KCNIP4: variants seen among roughly 807,000 people sequenced by gnomAD.
KCNIP4 encodes the protein Kv channel-interacting protein 4.
In KCNIP4, 12 loss-of-function variants were observed where a neutral mutation model predicts 34.0. The observed-to-expected ratio is 0.35, with a 90% confidence interval of 0.23 to 0.57. The LOEUF is 0.57. KCNIP4 is among the 20% of genes least tolerant of loss of function. The pLI is 0.83. For synonymous variants in KCNIP4, 124 were observed against 102.2 expected (o/e 1.21, Z -1.29); for missense variants, 238 against 311.7 (o/e 0.76, Z 1.78).
intron 1 of KCNIP4, among the ~76,000 whole-genome samples, chr4:21,322,331 G>C (rs1056249810): frequency 6.6e-6 from 1 of 152,122 alleles, no homozygotes; most frequent in African/African-American, 2.4e-5. Flanking sequence ...CCTCAGGGGA[G>C]GAGGCCACAA....
intron 3 of KCNIP4, among the ~76,000 whole-genome samples, chr4:20,826,790 C>T (rs565356615): frequency 1.5e-4 from 23 of 152,172 alleles, no homozygotes; most frequent in South Asian, 4.2e-4. Context: ...TCAGCAGAGA[C>T]GCAGAAATTT....
At chr4:21,242,212 C>G (rs930284076) in intron 1 of KCNIP4, among the ~76,000 whole-genome samples, 2 of 147,830 alleles carry the variant, frequency 1.4e-5, no homozygotes, top group Non-Finnish European at 3.0e-5. Flanking sequence ...TTCCTTAACT[C>G]TCAGGGTTGT....
intron 1 of KCNIP4, among the ~76,000 whole-genome samples, chr4:21,090,249 C>T (rs971160817): frequency 7.2e-5 from 11 of 152,166 alleles, no homozygotes. Context: ...ACTTTGAGCT[C>T]CATAAGGGTA....
intron 1 of KCNIP4, among the ~76,000 whole-genome samples, chr4:21,376,135 A>G (rs1285781757): frequency 6.6e-6 from 1 of 151,712 alleles, no homozygotes; most frequent in Non-Finnish European, 1.5e-5. Flanking sequence ...CTAAATTATT[A>G]TTATACAACT....
chr4:21,120,550 TGAA>T (rs2061574605), intron 1 of KCNIP4, among the ~76,000 whole-genome samples: 1 of 152,124 alleles, frequency 6.6e-6, no homozygotes, highest in South Asian at 2.1e-4. Context: ...TGGTGGAAGG[TGAA>T]GGAGAAACAA....
intron 1 of KCNIP4, among the ~76,000 whole-genome samples, chr4:21,258,559 A>G (rs1216232879): frequency 1.3e-5 from 2 of 152,170 alleles, no homozygotes; most frequent in Non-Finnish European, 2.9e-5. Flanking sequence ...CTTTAAGACA[A>G]TAATTGATAT....
intron 1 of KCNIP4, among the ~76,000 whole-genome samples, chr4:21,891,252 G>A (rs1292820240): frequency 6.6e-6 from 1 of 152,066 alleles, no homozygotes; most frequent in Non-Finnish European, 1.5e-5. Context: ...TAAATTAAGT[G>A]ACTGCTGTCA....
At position 20,771,437 on chromosome 4, in the gene KCNIP4, T is replaced by C. The variant is rs1578579253; in HGVS notation, c.289-12547A>G. Among the ~76,000 whole-genome samples the C allele has an allele frequency of 2.6e-5, 4 of 152,298 alleles. 1 individual carries two copies. The highest frequency in any genetic ancestry group is 2.6e-4 in the Admixed American group (4 of 15,294). On this transcript the variant is annotated intron_variant, in intron 3 of 8. Transcript: ENST00000382152. ...ACTTATAGTCAAAAGCATTCTAACA[T>C]AAGCTACAACCTTCTTGTCCTTGTA...
intron 1 of KCNIP4, among the ~76,000 whole-genome samples, chr4:21,268,599 C>G (rs1430008570): frequency 2.6e-5 from 4 of 152,190 alleles, no homozygotes; most frequent in Admixed American, 6.5e-5. Flanking sequence ...CACAGACATG[C>G]AAGGAGACAG....
At chr4:21,684,825 G>A (rs1311103724) in intron 1 of KCNIP4, among the ~76,000 whole-genome samples, 8 of 151,580 alleles carry the variant, frequency 5.3e-5, no homozygotes, top group Admixed American at 1.3e-4. Context: ...CCTCTCCCCC[G>A]ACCCCATGAC....
chr4:21,165,449 CA>C (rs1161082468), intron 1 of KCNIP4, among the ~76,000 whole-genome samples: 24 of 618 alleles, frequency 0.039, no homozygotes, highest in African/African-American at 0.1. Flanking sequence ...TTGAAAGCAT[CA>C]AAAAAAAAAA....
At position 20,729,397 on chromosome 4, in the gene KCNIP4, T is replaced by TGTAACATATTATGGAAA. The variant is rs1438305322; in HGVS notation, c.*668_*684dup. 1 of 152,390 alleles carries TGTAACATATTATGGAAA rather than the reference T, an allele frequency of 6.6e-6. No homozygotes were observed. Among genetic ancestry groups the TGTAACATATTATGGAAA allele is most frequent in the Non-Finnish European group, 1.5e-5 (1 of 67,966 alleles). The allele number at this position is 152,390 out of a possible 1,614,324, so 9.4% of individuals were successfully genotyped here. A position where few individuals can be genotyped will look rare whatever the true frequency, so the allele number is the denominator to read the frequency against. Reference sequence around the variant, plus strand: ...CCAAAATTATTATATAGGCCTTGGCTGTAACATATTATGGAAAATTAAATG... The same window carrying TGTAACATATTATGGAAA: ...CCAAAATTATTATATAGGCCTTGGCTGTAACATATTATGGAAAGTAACATATTATGGAAAATTAAATG... On this transcript the variant is annotated 3_prime_UTR_variant, in exon 9 of 9. Coordinates refer to ENST00000382152, the MANE Select transcript of KCNIP4 (RefSeq NM_025221.6).
At chr4:21,155,804 G>T (rs146478111) in intron 1 of KCNIP4, among the ~76,000 whole-genome samples, 1 of 152,200 alleles carries the variant, frequency 6.6e-6, no homozygotes, top group Non-Finnish European at 1.5e-5. Flanking sequence ...GCATGTAAAC[G>T]TTGGCAGAGG....
intron 1 of KCNIP4, among the ~76,000 whole-genome samples, chr4:21,671,112 A>G (rs1196788449): frequency 2.0e-5 from 3 of 152,018 alleles, no homozygotes; most frequent in Admixed American, 2.0e-4. Flanking sequence ...ACTGAGCACC[A>G]TAAGTGTTCA....
At chr4:21,470,993 G>A (rs1268959828) in intron 1 of KCNIP4, among the ~76,000 whole-genome samples, 1 of 152,084 alleles carries the variant, frequency 6.6e-6, no homozygotes, top group African/African-American at 2.4e-5. Context: ...GCATCTTCTA[G>A]GGATTGGTAT....
chr4:20,842,553 T>C (rs1349523482), intron 3 of KCNIP4, among the ~76,000 whole-genome samples: 1 of 118,802 alleles, frequency 8.4e-6, no homozygotes, highest in Non-Finnish European at 1.6e-5. Context: ...GATGAGCATG[T>C]AAGGCAATTG....
chr4:21,747,664 A>G (rs1373661924), intron 1 of KCNIP4, among the ~76,000 whole-genome samples: 3 of 152,130 alleles, frequency 2.0e-5, no homozygotes, highest in Non-Finnish European at 4.4e-5. Context: ...AACTATGTTC[A>G]TTAATTTGAT....
chr4:21,515,465 C>A (rs754436635), intron 1 of KCNIP4, among the ~76,000 whole-genome samples: 7 of 151,892 alleles, frequency 4.6e-5, no homozygotes, highest in Non-Finnish European at 8.8e-5. Flanking sequence ...GGCGAAACCC[C>A]GTCTCTACTA....
intron 1 of KCNIP4, among the ~76,000 whole-genome samples, chr4:20,971,409 C>A (rs758823032): frequency 2.5e-4 from 38 of 152,036 alleles, no homozygotes; most frequent in Non-Finnish European, 5.0e-4. Flanking sequence ...TACAGCCATA[C>A]CTCAAAGATC....
Sources: gnomAD v4.1 joint callset for allele counts (sites outside exome capture counted in the v4.1 genomes callset) on GRCh38, gnomAD v4.1.1 for gene constraint, MANE v1.5 for transcripts, NCBI Gene and HGNC (gene_info 2026-07-23, HGNC 2026-07-21) for gene names.